The following STK3 variants were observed in gnomAD, a reference collection of about 807,000 sequenced individuals.
The protein encoded by STK3 is serine/threonine kinase 3, also known as serine/threonine-protein kinase 3.
In STK3, 41 loss-of-function variants were observed where a neutral mutation model predicts 58.0. The ratio of observed to expected loss-of-function variants is 0.71; its 90% CI spans 0.55 to 0.92. The LOEUF (loss-of-function observed/expected upper bound fraction) is 0.92. Among genes scored for constraint, STK3 ranks in the 40% least tolerant of loss-of-function variants. The pLI is 0.00. For missense variants in STK3, 479 were observed against 602.7 expected (o/e 0.79, Z 2.15); for synonymous variants, 170 against 191.0 (o/e 0.89, Z 0.91).
intron 1 of STK3, among the ~76,000 whole-genome samples, chr8:98,901,555 G>C (rs1458232662): frequency 6.6e-6 from 1 of 152,246 alleles, no homozygotes; most frequent in Non-Finnish European, 1.5e-5. Context: ...TGCAACTCTT[G>C]CAACTGCAGG....
At chr8:98,488,699 AAG>A (rs1234903385) in intron 10 of STK3, among the ~76,000 whole-genome samples, 3 of 152,210 alleles carry the variant, frequency 2.0e-5, no homozygotes, top group Admixed American at 2.0e-4. Flanking sequence ...GGGTATGAGA[AAG>A]AGGAGACACA....
intron 8 of STK3, among the ~76,000 whole-genome samples, chr8:98,565,882 T>TAC (rs1253437646): frequency 6.6e-6 from 1 of 152,164 alleles, no homozygotes; most frequent in Non-Finnish European, 1.5e-5. Context: ...AACGAATTCT[T>TAC]ACTATGTAAT....
rs151033918 is a variant in STK3 at position 98,832,721 on chromosome 8, C to T, written c.110+50926G>A. Reference sequence around the variant, plus strand: ...AAGGGGGGGTCCATTCAGTTGGCTGCGGGGCCTAGGATTTAATTTCTATTT... The same window carrying T: ...AAGGGGGGGTCCATTCAGTTGGCTGTGGGGCCTAGGATTTAATTTCTATTT... On this transcript the variant is annotated intron_variant, in intron 3 of 12. Transcript: ENST00000523601. Among the ~76,000 whole-genome samples, 273 of 152,094 alleles carry T rather than the reference C, an allele frequency of 1.8e-3. 4 individuals are homozygous for T. In the East Asian group the frequency reaches 0.033, roughly 19 times the overall value.
chr8:98,413,648 C>G (rs879201367), intron 3 of STK3: 3 of 783,488 alleles, frequency 3.8e-6, no homozygotes, highest in African/African-American at 1.7e-5. Flanking sequence ...CCTCACAAAC[C>G]GTAGAAAAGC....
the STK3 span, among the ~76,000 whole-genome samples, chr8:98,365,138 C>G: frequency 6.6e-6 from 1 of 152,168 alleles, no homozygotes; most frequent in South Asian, 2.1e-4. Flanking sequence ...TGAATATTAC[C>G]ATACCGATGC....
intron 3 of STK3, among the ~76,000 whole-genome samples, chr8:98,762,524 G>A (rs1830691139): frequency 1.3e-5 from 2 of 152,224 alleles, no homozygotes; most frequent in African/African-American, 2.4e-5. Context: ...AAAGTGCTGG[G>A]ATTACAGGCG....
At chr8:98,453,752 G>A (rs1016675131), downstream of STK3, among the ~76,000 whole-genome samples, 2 of 152,206 alleles carry the variant, frequency 1.3e-5, no homozygotes, top group African/African-American at 4.8e-5. Context: ...AAACTGAAGA[G>A]AAATCATCTT....
rs138861219 is a variant in STK3, at chr8:98,380,772, C to T, written n.57-1565G>A. Among the ~76,000 whole-genome samples the T allele has an allele frequency of 3.5e-3, 534 of 152,072 alleles. 4 individuals carry two copies. The highest frequency in any genetic ancestry group is 0.012 in the African/African-American group (501 of 41,494). On this transcript the variant is annotated intron_variant and non_coding_transcript_variant, in intron 1 of 2. Coordinates refer to the STK3 transcript ENST00000518704. The stretch of plus-strand genomic sequence containing the variant: ...AGCATGCTTTCATGGGATTTTGGGT[C>T]CTTTGCATTTCTTCATTTGTAAATT...
At chr8:98,658,983 T>C (rs1004784177) in intron 6 of STK3, among the ~76,000 whole-genome samples, 49 of 152,094 alleles carry the variant, frequency 3.2e-4, no homozygotes, top group African/African-American at 1.1e-3. Context: ...CAAATACTTA[T>C]TGTGTTACAA....
At chr8:98,374,278 A>G (rs1817645120) in intron 2 of STK3, among the ~76,000 whole-genome samples, 1 of 152,216 alleles carries the variant, frequency 6.6e-6, no homozygotes, top group Non-Finnish European at 1.5e-5. Context: ...GGGTGGGTAC[A>G]GGTGAGCTAA....
At chr8:98,904,521 G>C in intron 1 of STK3, 1 of 411,984 alleles carries the variant, frequency 2.4e-6, no homozygotes. Flanking sequence ...TCCTGGCAAA[G>C]GGGACCGCAC....
chr8:98,632,329 C>A (rs997736821), intron 6 of STK3, among the ~76,000 whole-genome samples: 1 of 152,092 alleles, frequency 6.6e-6, no homozygotes, highest in Non-Finnish European at 1.5e-5. Context: ...ATAATAGATA[C>A]CTACAAATGA....
downstream of STK3, among the ~76,000 whole-genome samples, chr8:98,450,684 T>C (rs1292330337): frequency 6.6e-6 from 1 of 152,168 alleles, no homozygotes; most frequent in Non-Finnish European, 1.5e-5. Flanking sequence ...CCTAAAATAA[T>C]AAAAGAAAAA....
intron 9 of STK3, among the ~76,000 whole-genome samples, chr8:98,537,946 TAA>T (rs757642257): frequency 3.3e-5 from 5 of 152,274 alleles, no homozygotes; most frequent in South Asian, 2.1e-4. Flanking sequence ...AATTATTCAT[TAA>T]GTTTCCTAAT....
intron 6 of STK3, among the ~76,000 whole-genome samples, chr8:98,688,711 T>C (rs765079602): frequency 6.6e-6 from 1 of 151,588 alleles, no homozygotes; most frequent in Non-Finnish European, 1.5e-5. Flanking sequence ...AATAAAAAAG[T>C]TCTTTGAAAA....
chr8:98,660,439 T>C (rs368324479), intron 6 of STK3, among the ~76,000 whole-genome samples: 18 of 152,182 alleles, frequency 1.2e-4, no homozygotes, highest in African/African-American at 4.3e-4. Flanking sequence ...AATAAGAGCT[T>C]TTTAAAAGAA....
intron 1 of STK3, among the ~76,000 whole-genome samples, chr8:98,795,437 A>C (rs2131599042): frequency 6.6e-6 from 1 of 152,072 alleles, no homozygotes; most frequent in Non-Finnish European, 1.5e-5. Context: ...CCAACATCAT[A>C]CTGAATAAGC....
intron 1 of STK3, among the ~76,000 whole-genome samples, chr8:98,792,874 A>G (rs1465735699): frequency 6.6e-6 from 1 of 151,288 alleles, no homozygotes; most frequent in Non-Finnish European, 1.5e-5. Flanking sequence ...CCCATCAATC[A>G]ACAACTGGAT....
chr8:98,780,407 A>G (rs1338907580), intron 1 of STK3, among the ~76,000 whole-genome samples: 1 of 152,126 alleles, frequency 6.6e-6, no homozygotes, highest in Non-Finnish European at 1.5e-5. Flanking sequence ...ATCTTTTCAT[A>G]TGATTAAGAA....
Sources: gnomAD v4.1 joint callset for allele counts (sites outside exome capture counted in the v4.1 genomes callset) on GRCh38, gnomAD v4.1.1 for gene constraint, MANE v1.5 for transcripts, NCBI Gene and HGNC (gene_info 2026-07-23, HGNC 2026-07-21) for gene names.